EDA: variants seen among roughly 807,000 people sequenced by gnomAD.
EDA encodes the protein ectodysplasin-A.
Under a neutral mutation model 23.6 loss-of-function variants are expected in EDA, and 2 were observed. The observed-to-expected ratio is 0.08, with a 90% CI of 0.03 to 0.27. The LOEUF is 0.27. EDA is among the 10% of genes least tolerant of loss of function. EDA has a pLI of 1.00. For synonymous variants in EDA, 131 were observed against 132.0 expected (o/e 0.99, Z 0.05); for missense variants, 229 against 324.2 (o/e 0.71, Z 2.26).
At chrX:69,765,731 A>G (rs1305331340) in intron 1 of EDA, among the ~76,000 whole-genome samples, 1 of 111,556 alleles carries the variant, frequency 9.0e-6, no homozygotes, top group Non-Finnish European at 1.9e-5. Context: ...CAATATTAAA[A>G]CCAGGAAACT....
intron 2 of EDA, among the ~76,000 whole-genome samples, chrX:69,972,117 T>G (rs1360057062): frequency 8.9e-6 from 1 of 111,780 alleles, no homozygotes; most frequent in Non-Finnish European, 1.9e-5. Flanking sequence ...AATGGCTTCC[T>G]CAAAGGGCTA....
At chrX:69,780,996 A>G (rs1474175751) in intron 1 of EDA, among the ~76,000 whole-genome samples, 1 of 112,034 alleles carries the variant, frequency 8.9e-6, no homozygotes, top group Non-Finnish European at 1.9e-5. Context: ...GAATCACACA[A>G]TATGCAGTCC....
At chrX:70,002,369 A>G (rs2019752358) in intron 2 of EDA, among the ~76,000 whole-genome samples, 1 of 110,548 alleles carries the variant, frequency 9.0e-6, no homozygotes, top group African/African-American at 3.3e-5. Flanking sequence ...TGTGGAAGGA[A>G]CTGTGCATAT....
In EDA at chrX:69,796,905, C is replaced by A. The variant is rs561964717; in HGVS notation, c.397-160122C>A. Among the ~76,000 whole-genome samples, 7 of 110,469 alleles carry A rather than the reference C, an allele frequency of 6.3e-5. No individual in the cohort carries two copies. In the Admixed American group the frequency reaches 6.8e-4, roughly 11 times the overall value. ...AAAAAGAACCAAACAAATTCTGGAA[C>A]TGAATAATCACTTGATGAGATACAA... On this transcript the variant is annotated intron_variant, in intron 1 of 7. Transcript: ENST00000374552.
chrX:70,017,590 AAAC>A (rs1292340947), intron 2 of EDA, among the ~76,000 whole-genome samples: 1 of 112,334 alleles, frequency 8.9e-6, no homozygotes, highest in Non-Finnish European at 1.9e-5. Context: ...ACAAAACTAA[AAAC>A]AACAACCACA....
chrX:69,914,105 A>G (rs1007761741), intron 1 of EDA, among the ~76,000 whole-genome samples: 1 of 112,446 alleles, frequency 8.9e-6, no homozygotes, highest in Non-Finnish European at 1.9e-5. Flanking sequence ...AATGTGACAC[A>G]GAGACCCAAA....
intron 1 of EDA, among the ~76,000 whole-genome samples, chrX:69,902,741 C>G (rs1015282260): frequency 2.8e-4 from 31 of 111,673 alleles, no homozygotes; most frequent in African/African-American, 9.8e-4. Flanking sequence ...TATTAGCCAT[C>G]ATTTTGCCCA....
At chrX:69,908,292 T>C (rs1224582694) in intron 1 of EDA, among the ~76,000 whole-genome samples, 4 of 110,600 alleles carry the variant, frequency 3.6e-5, no homozygotes, top group Non-Finnish European at 5.7e-5. Flanking sequence ...ATTAATCCTA[T>C]ATCTTGTGTT....
intron 1 of EDA, among the ~76,000 whole-genome samples, chrX:69,945,516 G>C (rs1030487621): frequency 8.9e-6 from 1 of 112,220 alleles, no homozygotes; most frequent in Non-Finnish European, 1.9e-5. Context: ...CTGTGAAAGA[G>C]ATTAGTATAA....
At chrX:69,862,905 A>G (rs1028088316) in intron 1 of EDA, among the ~76,000 whole-genome samples, 1 of 111,142 alleles carries the variant, frequency 9.0e-6, no homozygotes, top group Non-Finnish European at 1.9e-5. Flanking sequence ...ACAAGAAGCC[A>G]GGGAAATATG....
intron 1 of EDA, among the ~76,000 whole-genome samples, chrX:69,752,546 G>C (rs1040767025): frequency 2.7e-5 from 3 of 111,507 alleles, no homozygotes; most frequent in Non-Finnish European, 5.6e-5. Flanking sequence ...CTCTTTCTTT[G>C]TTGTGTCTCT....
At chrX:69,964,303 T>C (rs981747079) in intron 2 of EDA, among the ~76,000 whole-genome samples, 2 of 111,371 alleles carry the variant, frequency 1.8e-5, no homozygotes, top group Admixed American at 9.6e-5. Context: ...AGGAGTTTTT[T>C]TTTGAAGCAT....
At chrX:69,675,126 G>T (rs1394678916) in intron 1 of EDA, among the ~76,000 whole-genome samples, 2 of 99,465 alleles carry the variant, frequency 2.0e-5, no homozygotes, top group East Asian at 7.0e-4. Context: ...GGGACCAAAA[G>T]CACATGCCAC....
chrX:70,039,159 C>G lies in EDA; in HGVS notation c.*3550C>G, dbSNP rs945328036. On this transcript the variant is annotated 3_prime_UTR_variant, in exon 8 of 8. Coordinates refer to ENST00000374552, the MANE Select transcript of EDA (RefSeq NM_001399.5). ...ACTGTAATGCTGCCTCAGGACCCAT[C>G]CCTGCCTGGAGGCTCCTCTAGGCCC... 4.4e-5 allele frequency: 5 copies of G among 112,579 alleles called. No homozygotes were observed. Among genetic ancestry groups the G allele is most frequent in the African/African-American group, 1.6e-4 (5 of 30,899 alleles). The allele number at this position is 112,579 out of a possible 1,213,427, so 9.3% of individuals were successfully genotyped here. A position where few individuals can be genotyped will look rare whatever the true frequency, so the allele number is the denominator to read the frequency against.
intron 1 of EDA, among the ~76,000 whole-genome samples, chrX:69,834,450 A>C (rs1229650939): frequency 9.1e-6 from 1 of 109,868 alleles, no homozygotes; most frequent in Non-Finnish European, 1.9e-5. Context: ...TCCCTTGACC[A>C]TTATGTAATG....
intron 4 of EDA, among the ~76,000 whole-genome samples, 188 bp from the exon 5 acceptor site, chrX:70,029,316 G>A (rs2020166787): frequency 8.9e-6 from 1 of 112,370 alleles, no homozygotes; most frequent in Admixed American, 9.4e-5. Context: ...TGGGCCCACT[G>A]AAGATGAAGG....
chrX:69,829,946 G>C (rs1165371797), intron 1 of EDA, among the ~76,000 whole-genome samples: 1 of 111,876 alleles, frequency 8.9e-6, no homozygotes, highest in Non-Finnish European at 1.9e-5. Flanking sequence ...CAATGACCCT[G>C]TGTTATAGTT....
chrX:69,901,048 T>C (rs2018091395), intron 1 of EDA, among the ~76,000 whole-genome samples: 1 of 111,509 alleles, frequency 9.0e-6, no homozygotes, highest in South Asian at 3.8e-4. Flanking sequence ...GATATTTACT[T>C]AGTAGTTATT....
chrX:69,926,800 C>T (rs112469823), intron 1 of EDA, among the ~76,000 whole-genome samples: 2,823 of 111,272 alleles, frequency 0.025, 92 homozygotes, highest in African/African-American at 0.088. Flanking sequence ...TAAGTCTCTT[C>T]GAAGGTCTCT....
Sources: gnomAD v4.1 joint callset for allele counts (sites outside exome capture counted in the v4.1 genomes callset) on GRCh38, gnomAD v4.1.1 for gene constraint, MANE v1.5 for transcripts, NCBI Gene and HGNC (gene_info 2026-07-23, HGNC 2026-07-21) for gene names.